CNTN5: variants seen among roughly 807,000 people sequenced by gnomAD.
CNTN5 encodes the protein contactin 5, also known as contactin-5.
A neutral mutation model predicts 129.1 loss-of-function variants in CNTN5; 77 were observed. The ratio of observed to expected loss-of-function variants is 0.60; its 90% CI spans 0.50 to 0.72. CNTN5 has a LOEUF of 0.72. Ranked by LOEUF, CNTN5 falls within the 30% of genes least tolerant of loss-of-function variation. The pLI, the probability that CNTN5 is intolerant of heterozygous loss-of-function variation, is 0.00. For synonymous variants in CNTN5, 509 were observed against 465.6 expected (o/e 1.09, Z -1.20); for missense variants, 1,478 against 1,328.8 (o/e 1.11, Z -1.75).
intron 13 of CNTN5, among the ~76,000 whole-genome samples, chr11:100,159,833 A>C (rs902416218): frequency 6.6e-6 from 1 of 151,922 alleles, no homozygotes; most frequent in African/African-American, 2.4e-5. Context: ...GACATAATCT[A>C]GAGTGATTGA....
intron 1 of CNTN5, among the ~76,000 whole-genome samples, chr11:99,108,424 G>C (rs1176634796): frequency 6.6e-6 from 1 of 152,098 alleles, no homozygotes; most frequent in Non-Finnish European, 1.5e-5. Context: ...GCATTTAGGA[G>C]AAAAGATAAG....
At chr11:100,151,608 T>C (rs1205329136) in intron 13 of CNTN5, among the ~76,000 whole-genome samples, 2 of 152,144 alleles carry the variant, frequency 1.3e-5, no homozygotes, top group Non-Finnish European at 2.9e-5. Context: ...TTTGAACAGA[T>C]ATTACCAACT....
chr11:100,291,607 G>A (rs1312495878), intron 18 of CNTN5, among the ~76,000 whole-genome samples: 1 of 151,662 alleles, frequency 6.6e-6, no homozygotes, highest in East Asian at 1.9e-4. Context: ...GGGGACTGTG[G>A]TGGGGAAGGG....
chr11:99,834,383 G>A (rs1334792883), intron 4 of CNTN5, among the ~76,000 whole-genome samples: 1 of 152,082 alleles, frequency 6.6e-6, no homozygotes, highest in East Asian at 1.9e-4. Flanking sequence ...GTTTTAGGCT[G>A]GGCACAGTGG....
chr11:99,507,375 C>CAAAAAAAA (rs35059394), intron 2 of CNTN5, among the ~76,000 whole-genome samples: 1 of 87,408 alleles, frequency 1.1e-5, no homozygotes, highest in African/African-American at 4.7e-5. Context: ...GACTCTGTCT[C>CAAAAAAAA]AAAAAAAAAA....
At chr11:100,134,552 A>G (rs1011044663) in intron 13 of CNTN5, among the ~76,000 whole-genome samples, 3 of 152,180 alleles carry the variant, frequency 2.0e-5, no homozygotes, top group Non-Finnish European at 4.4e-5. Context: ...TTCTTTATCA[A>G]TCAATTGGGT....
In CNTN5 at chr11:99,819,653, C is replaced by A. The variant is rs755593251; in HGVS notation, c.165C>A (p.Ser55Arg). The change falls in exon 4 of 25, where the codon AGC becomes AGA. Residue 55 changes from serine (S) to arginine (R), a missense_variant. Physicochemically the swap from Ser to Arg is moderately radical, Grantham distance 110. Transcript: ENST00000524871. ...LFGSKTRPRYSSPSLGTLSAS... is the reference protein window; with the variant it reads ...LFGSKTRPRYRSPSLGTLSAS... ...GTTCCAAAACCAGACCACGATACAGCAGCCCTTCATTAGGAACACTGAGTG... is the reference window on the plus strand; with the variant it reads ...GTTCCAAAACCAGACCACGATACAGAAGCCCTTCATTAGGAACACTGAGTG... 6.2e-7 allele frequency: 1 copy of A among 1,612,994 alleles called. No homozygotes were observed. The highest frequency in any genetic ancestry group is 8.5e-7 in the Non-Finnish European group (1 of 1,179,806).
intron 13 of CNTN5, among the ~76,000 whole-genome samples, chr11:100,165,927 A>C (rs1385116634): frequency 6.6e-6 from 1 of 151,786 alleles, no homozygotes; most frequent in Non-Finnish European, 1.5e-5. Context: ...TAACTAAGGA[A>C]GGATTTTAAG....
intron 1 of CNTN5, among the ~76,000 whole-genome samples, chr11:99,308,119 G>A (rs1325753392): frequency 6.6e-6 from 1 of 152,172 alleles, no homozygotes; most frequent in African/African-American, 2.4e-5. Context: ...GGATAATGGA[G>A]AACATCCAAT....
intron 13 of CNTN5, among the ~76,000 whole-genome samples, chr11:100,113,545 C>T (rs1448232224): frequency 8.7e-5 from 13 of 150,228 alleles, no homozygotes; most frequent in Admixed American, 8.0e-4. Context: ...AAAATCTTAG[C>T]ATTCAGAGCC....
intron 21 of CNTN5, among the ~76,000 whole-genome samples, chr11:100,324,654 A>C (rs1362677413): frequency 6.6e-6 from 1 of 152,158 alleles, no homozygotes; most frequent in East Asian, 1.9e-4. Context: ...ACATACACTG[A>C]ACTACATGTG....
At position 100,191,244 on chromosome 11, in the gene CNTN5, T is replaced by TAATTAC; in HGVS notation, c.1699_1700insAATTAC (p.Ser567delinsTer). 6.2e-7 allele frequency: 1 copy of TAATTAC among 1,612,398 alleles called. No individual in the cohort carries two copies. Among genetic ancestry groups the TAATTAC allele is most frequent in the Non-Finnish European group, 8.5e-7 (1 of 1,179,054 alleles). On this transcript the variant is annotated stop_gained, in exon 14 of 25. Coordinates refer to ENST00000524871, the MANE Select transcript of CNTN5 (RefSeq NM_014361.4). LOFTEE classifies it high-confidence loss of function. ...TTCTGCTGAAATTATAGCTTCGCTA[T>TAATTAC]CTGTAAAAGGTAAGACAGCACGGGT...
intron 22 of CNTN5, 60 bp downstream of exon 22, chr11:100,340,709 T>C: frequency 1.4e-6 from 2 of 1,443,240 alleles, no homozygotes; most frequent in Non-Finnish European, 9.3e-7. Context: ...ATAACATTTC[T>C]CAAAGCCACG....
intron 2 of CNTN5, among the ~76,000 whole-genome samples, chr11:99,359,199 C>G (rs563767164): frequency 1.3e-5 from 2 of 152,184 alleles, no homozygotes; most frequent in East Asian, 3.9e-4. Context: ...ATATTGATTA[C>G]ACAATATTTC....
chr11:99,964,378 T>C, intron 8 of CNTN5, among the ~76,000 whole-genome samples: 1 of 152,210 alleles, frequency 6.6e-6, no homozygotes, highest in East Asian at 1.9e-4. Context: ...GATTGTTGAA[T>C]TTTGTCAAAG....
At chr11:99,830,346 T>C (rs1947099824) in intron 4 of CNTN5, among the ~76,000 whole-genome samples, 1 of 152,184 alleles carries the variant, frequency 6.6e-6, no homozygotes, top group Non-Finnish European at 1.5e-5. Context: ...CTTCTGACAA[T>C]TGGATGATTC....
intron 18 of CNTN5, among the ~76,000 whole-genome samples, chr11:100,287,632 G>A (rs1375692561): frequency 1.8e-4 from 28 of 151,546 alleles, no homozygotes; most frequent in East Asian, 1.6e-3. Context: ...AGGAACAACC[G>A]GTACCAGCCG....
In CNTN5 at chr11:100,255,933, A is replaced by G. The variant is rs1439104184; in HGVS notation, c.2164+15A>G. ...AGTAAAGACAGGTAAGAGGCACTAA[A>G]GCAACATCAGATATAACCAGAGTGG... On this transcript the variant is annotated intron_variant, in intron 17 of 24. Coordinates refer to ENST00000524871, the MANE Select transcript of CNTN5 (RefSeq NM_014361.4). 3 of 1,613,026 alleles carry G rather than the reference A, an allele frequency of 1.9e-6. No individual in the cohort carries two copies. Among genetic ancestry groups the G allele is most frequent in the African/African-American group, 1.3e-5 (1 of 74,914 alleles).
intron 6 of CNTN5, among the ~76,000 whole-genome samples, chr11:99,879,595 T>TG (rs1948721056): frequency 7.1e-6 from 1 of 140,396 alleles, no homozygotes; most frequent in South Asian, 2.6e-4. Context: ...TGAGTTTGGG[T>TG]TTTTTTTCTG....
Sources: allele counts gnomAD v4.1 joint callset (sites outside exome capture counted in the v4.1 genomes callset), GRCh38; gene constraint gnomAD v4.1.1; transcripts MANE v1.5; gene names NCBI Gene and HGNC (gene_info 2026-07-23, HGNC 2026-07-21).